Variants in ZNF385D observed in about 807,000 individuals in gnomAD.
ZNF385D encodes zinc finger protein 385D.
ZNF385D carries 15 observed loss-of-function variants against 35.8 expected under a neutral mutation model. The ratio of observed to expected loss-of-function variants is 0.42; its 90% CI spans 0.28 to 0.64. The LOEUF (loss-of-function observed/expected upper bound fraction) is 0.64, where lower values mean the gene tolerates loss of function less well. Among genes scored for constraint, ZNF385D ranks in the 30% least tolerant of loss-of-function variants. The pLI is 0.23. For synonymous variants in ZNF385D, 212 were observed against 186.8 expected (o/e 1.13, Z -1.10); for missense variants, 474 against 494.6 (o/e 0.96, Z 0.39).
chr3:21,742,809 C>G (rs2125529034), intron 1 of ZNF385D, among the ~76,000 whole-genome samples: 1 of 152,294 alleles, frequency 6.6e-6, no homozygotes, highest in African/African-American at 2.4e-5. Flanking sequence ...CTTCTATCAC[C>G]TATATACCAA....
chr3:21,693,425 A>G (rs2067349410), intron 1 of ZNF385D, among the ~76,000 whole-genome samples: 1 of 152,156 alleles, frequency 6.6e-6, no homozygotes. Context: ...TTTGTTTTAA[A>G]TGAAACACTT....
intron 3 of ZNF385D, among the ~76,000 whole-genome samples, chr3:21,796,569 G>C (rs550251326): frequency 6.7e-6 from 1 of 150,132 alleles, no homozygotes; most frequent in East Asian, 2.0e-4. Context: ...TTTTAAAAAG[G>C]AATCTACACA....
chr3:22,180,472 G>C (rs532520133), intron 2 of ZNF385D, among the ~76,000 whole-genome samples: 1 of 152,194 alleles, frequency 6.6e-6, no homozygotes, highest in East Asian at 1.9e-4. Context: ...GCCTGGCAGA[G>C]ACACAACACA....
chr3:21,617,516 G>A (rs1409905016), intron 2 of ZNF385D, among the ~76,000 whole-genome samples: 2 of 152,178 alleles, frequency 1.3e-5, no homozygotes, highest in African/African-American at 2.4e-5. Flanking sequence ...CTTTATGTAT[G>A]TTAGTTCACT....
chr3:21,835,179 A>G (rs904779387), intron 3 of ZNF385D, among the ~76,000 whole-genome samples: 1 of 152,102 alleles, frequency 6.6e-6, no homozygotes, highest in Non-Finnish European at 1.5e-5. Context: ...GTGAGAATCA[A>G]TCAAAAACCA....
At chr3:21,844,521 A>G (rs993287087) in intron 3 of ZNF385D, among the ~76,000 whole-genome samples, 2 of 151,984 alleles carry the variant, frequency 1.3e-5, no homozygotes, top group African/African-American at 4.8e-5. Flanking sequence ...TTCTCTGATT[A>G]GAAAACATTC....
rs375620496 is a variant in ZNF385D, at chr3:22,075,304, A to C, written c.325+93513T>G. 3.9e-5 allele frequency among the ~76,000 whole-genome samples: 6 copies of C among 151,960 alleles called. No individual in the cohort carries two copies. The East Asian group carries it at 9.7e-4, about 25-fold the overall frequency. ...AAAAATTTTCCTTTCCAGTTTCCCT[A>C]AAGATTCCTCTCCAGAGGCCTAATG... On this transcript the variant is annotated intron_variant, in intron 3 of 5. Transcript: ENST00000494108.
intron 3 of ZNF385D, among the ~76,000 whole-genome samples, chr3:22,092,051 T>C (rs1161144769): frequency 6.6e-6 from 1 of 152,144 alleles, no homozygotes; most frequent in Non-Finnish European, 1.5e-5. Context: ...AAATACAGAG[T>C]TGTTTCACTT....
chr3:21,684,394 CTCTCTCTCTCCTCTCTCT>C (rs1484590513), intron 1 of ZNF385D, among the ~76,000 whole-genome samples: 31 of 85,794 alleles, frequency 3.6e-4, no homozygotes, highest in South Asian at 8.9e-4. Context: ...CTCTCTCTCT[CTCTCTCTCTCCTCTCTCT>C]CTCTCTCTCT....
At chr3:21,788,466 G>C (rs1240797352) in intron 3 of ZNF385D, among the ~76,000 whole-genome samples, 1 of 152,164 alleles carries the variant, frequency 6.6e-6, no homozygotes, top group Non-Finnish European at 1.5e-5. Flanking sequence ...GGGATAGAGC[G>C]AGACTCTGAA....
Position 21,418,126 on chromosome 3 carries a change from T to C in ZNF385D, c.*3088A>G, listed in dbSNP as rs565452222. The C allele has an allele frequency of 1.3e-5, 2 of 152,268 alleles. No individual in the cohort carries two copies. The highest frequency in any genetic ancestry group is 2.1e-4 in the South Asian group (1 of 4,828). The allele number at this position is 152,268 out of a possible 1,614,324, so 9.4% of individuals were successfully genotyped here. ...GCAACAATGCTTTTTCCAGAGGCAT[T>C]TGGCTTCTGCAATGCATTTATATTT... On this transcript the variant is annotated 3_prime_UTR_variant, in exon 8 of 8. Coordinates refer to ENST00000281523, the MANE Select transcript of ZNF385D (RefSeq NM_024697.3).
In ZNF385D at chr3:22,188,454, ATT is replaced by A. The variant is rs67521159; in HGVS notation, c.107-19421_107-19420del. On this transcript the variant is annotated intron_variant, in intron 2 of 5. Coordinates refer to the ZNF385D transcript ENST00000494108. ...TTACATACAAATACGTGTGTATACTATTTTTTTTTTTTTGAGACGGAGTCTTG... is the reference window on the plus strand; with the variant it reads ...TTACATACAAATACGTGTGTATACTATTTTTTTTTTTGAGACGGAGTCTTG... Among the ~76,000 whole-genome samples, 405 of 147,720 alleles carry A rather than the reference ATT, an allele frequency of 2.7e-3. 2 individuals carry two copies. Among genetic ancestry groups the A allele is most frequent in the African/African-American group, 8.6e-3 (347 of 40,268 alleles).
intron 3 of ZNF385D, among the ~76,000 whole-genome samples, chr3:21,781,192 A>G (rs1332491871): frequency 6.6e-6 from 1 of 150,512 alleles, no homozygotes; most frequent in Non-Finnish European, 1.5e-5. Context: ...AAATCTGGAA[A>G]AAGTATCTCT....
At position 21,958,284 on chromosome 3, in the gene ZNF385D, G is replaced by T. The variant is rs146611083; in HGVS notation, c.325+210533C>A. Among the ~76,000 whole-genome samples, 6 of 152,224 alleles carry T rather than the reference G, an allele frequency of 3.9e-5. No homozygotes were observed. In the East Asian group the frequency reaches 1.2e-3, roughly 29 times the overall value. ...ATATTTTGGAGTTAGGGACACTGGA[G>T]ATTGACAATAGAGGTCAGGAACATG... is the stretch of plus-strand genomic sequence containing the variant. On this transcript the variant is annotated intron_variant, in intron 3 of 5. Transcript: ENST00000494108.
intron 2 of ZNF385D, among the ~76,000 whole-genome samples, chr3:22,366,999 G>A (rs1696686085): frequency 6.6e-6 from 1 of 152,100 alleles, no homozygotes; most frequent in Admixed American, 6.5e-5. Context: ...CCAACATCTG[G>A]CTTTTGGCCA....
chr3:21,929,121 T>A (rs1009374260), intron 3 of ZNF385D, among the ~76,000 whole-genome samples: 2 of 152,162 alleles, frequency 1.3e-5, no homozygotes, highest in Non-Finnish European at 2.9e-5. Context: ...AATAGGATTA[T>A]ATATCATAGC....
chr3:22,020,445 C>A (rs1280162919), intron 3 of ZNF385D, among the ~76,000 whole-genome samples: 1 of 151,606 alleles, frequency 6.6e-6, no homozygotes, highest in Non-Finnish European at 1.5e-5. Context: ...AGAGCTGGGA[C>A]CTAAACATAG....
At chr3:21,480,421 T>C (rs573003360) in intron 4 of ZNF385D, among the ~76,000 whole-genome samples, 1 of 152,150 alleles carries the variant, frequency 6.6e-6, no homozygotes, top group South Asian at 2.1e-4. Context: ...TTTAAAAAGA[T>C]AAACTTCTCA....
intron 3 of ZNF385D, among the ~76,000 whole-genome samples, chr3:21,534,573 G>A (rs2125543003): frequency 6.6e-6 from 1 of 152,208 alleles, no homozygotes; most frequent in South Asian, 2.1e-4. Flanking sequence ...AAGCACAGCT[G>A]GGCTGAGGAG....
Sources: gnomAD v4.1 joint callset for allele counts (sites outside exome capture counted in the v4.1 genomes callset) on GRCh38, gnomAD v4.1.1 for gene constraint, MANE v1.5 for transcripts, NCBI Gene and HGNC (gene_info 2026-07-23, HGNC 2026-07-21) for gene names.